PIEZO2: variants seen among roughly 807,000 people sequenced by gnomAD.
PIEZO2 encodes piezo type mechanosensitive ion channel component 2, also known as piezo-type mechanosensitive ion channel component 2.
In PIEZO2, 172 loss-of-function variants were observed where a neutral mutation model predicts 337.3. The observed-to-expected ratio is 0.51, with a 90% confidence interval of 0.45 to 0.58. The LOEUF (loss-of-function observed/expected upper bound fraction) is 0.58. Among genes scored for constraint, PIEZO2 ranks in the 20% least tolerant of loss-of-function variants. The pLI is 0.00. For synonymous variants in PIEZO2, 1,251 were observed against 1,228.5 expected, an observed-to-expected ratio of 1.02 and a Z score of -0.38; for missense variants, 3,028 against 3,391.3, an observed-to-expected ratio of 0.89 and a Z score of 2.66.
At chr18:10,931,054 C>G (rs968655935) in intron 3 of PIEZO2, among the ~76,000 whole-genome samples, 5 of 152,064 alleles carry the variant, frequency 3.3e-5, no homozygotes, top group African/African-American at 1.2e-4. Context: ...TGACATGTAA[C>G]TGTATTAGGT....
At chr18:11,114,391 C>T (rs1474087677) in intron 1 of PIEZO2, among the ~76,000 whole-genome samples, 1 of 152,222 alleles carries the variant, frequency 6.6e-6, no homozygotes, top group African/African-American at 2.4e-5. Flanking sequence ...GACGGCCAAA[C>T]GTGGTGGCTC....
chr18:10,763,082 T>C lies in PIEZO2; in HGVS notation c.2963A>G (p.Tyr988Cys), dbSNP rs938100314. Reference sequence around the variant, plus strand: ...AAAAGCCCAAGAAATCAAAAATACATAGTTGAACAGAGACACCTGAAAACG... The same window carrying C: ...AAAAGCCCAAGAAATCAAAAATACACAGTTGAACAGAGACACCTGAAAACG... ...VSVKEVSLFN[Y>C]VFLISWAFAL... Residue 988 changes from tyrosine (Y) to cysteine (C), a missense_variant, in exon 22 of 56, where the codon TAT becomes TGT. Coordinates refer to ENST00000674853, the MANE Select transcript of PIEZO2 (RefSeq NM_001378183.1). 15 of 1,537,042 alleles carry C rather than the reference T, an allele frequency of 9.8e-6. No homozygotes were observed. Among genetic ancestry groups the C allele is most frequent in the East Asian group, 2.4e-5 (1 of 40,900 alleles).
chr18:10,896,796 C>T (rs935606198), intron 4 of PIEZO2, among the ~76,000 whole-genome samples: 6 of 152,156 alleles, frequency 3.9e-5, no homozygotes, highest in African/African-American at 1.2e-4. Context: ...CCGGCATCAC[C>T]GGCCTCCACC....
rs958752181 is a variant in PIEZO2, at chr18:10,837,876, C to T, written c.917+17477G>A. Among the ~76,000 whole-genome samples the T allele has an allele frequency of 1.3e-4, 20 of 152,052 alleles. No individual in the cohort carries two copies. Among genetic ancestry groups the T allele is most frequent in the Admixed American group, 1.2e-3 (18 of 15,272 alleles). The stretch of plus-strand genomic sequence containing the variant: ...AAGTGATTCTCCTGCCTCAGCCTCC[C>T]GAGTAGCTGGGATTACTGGTGCCTG... On this transcript the variant is annotated intron_variant, in intron 7 of 55. Coordinates refer to ENST00000674853, the MANE Select transcript of PIEZO2 (RefSeq NM_001378183.1). The surrounding 1 kb of genome is among the most constrained non-coding windows in gnomAD (Gnocchi z 4.4).
At chr18:10,791,750 G>A (rs6505593) in intron 13 of PIEZO2, 119,645 of 152,328 alleles carry the variant, frequency 0.79, 47,032 homozygotes, top group East Asian at 0.93. Flanking sequence ...GAAGAATTCC[G>A]TAGATGGGAA....
chr18:11,141,323 C>A (rs1299893016), intron 1 of PIEZO2, among the ~76,000 whole-genome samples: 2 of 152,030 alleles, frequency 1.3e-5, no homozygotes, highest in African/African-American at 4.8e-5. Flanking sequence ...CTGGTTTGAC[C>A]AAGGTTAAGG....
In PIEZO2 at chr18:10,846,189, T is replaced by C. The variant is rs1343578115; in HGVS notation, c.917+9164A>G. Among the ~76,000 whole-genome samples the C allele has an allele frequency of 6.6e-6, 1 of 152,190 alleles. No homozygotes were observed. The highest frequency in any genetic ancestry group is 2.4e-5 in the African/African-American group (1 of 41,448). On this transcript the variant is annotated intron_variant, in intron 7 of 55. Transcript: ENST00000674853. This position sits in a 1 kb window ranked among gnomAD's most constrained non-coding sequence, Gnocchi z 4.1. ...TATTGGACTTACAGTTCCACATGGC[T>C]AGGGAGGCCTCACAATCATGGCAGA...
At position 10,704,384 on chromosome 18, in the gene PIEZO2, C is replaced by G; in HGVS notation, c.6258+10G>C. 6.5e-7 allele frequency: 1 copy of G among 1,536,864 alleles called. No individual in the cohort carries two copies. Among genetic ancestry groups the G allele is most frequent in the Non-Finnish European group, 8.7e-7 (1 of 1,146,812 alleles). The stretch of plus-strand genomic sequence containing the variant: ...TGAAGCCATCCACAGGGGTCTGCGT[C>G]CAGGCCTACCTCAGTATAGACGATG... On this transcript the variant is annotated intron_variant, in intron 42 of 55. Coordinates refer to ENST00000674853, the MANE Select transcript of PIEZO2 (RefSeq NM_001378183.1).
chr18:11,004,012 A>G (rs1287461407), intron 2 of PIEZO2, among the ~76,000 whole-genome samples: 1 of 152,152 alleles, frequency 6.6e-6, no homozygotes, highest in Non-Finnish European at 1.5e-5. Flanking sequence ...GATGGTTTCC[A>G]TGTTTTTCTG....
intron 49 of PIEZO2, among the ~76,000 whole-genome samples, chr18:10,684,790 T>C (rs1434731842): frequency 6.6e-6 from 1 of 152,192 alleles, no homozygotes; most frequent in Non-Finnish European, 1.5e-5. Flanking sequence ...AAAGGCATTG[T>C]CCCCTTCCTG....
rs2037392672 is a variant in PIEZO2, at chr18:11,048,290, T to C, written c.160+17837A>G. On this transcript the variant is annotated intron_variant, in intron 2 of 55. Transcript: ENST00000674853. The surrounding 1 kb of genome is among the most constrained non-coding windows in gnomAD (Gnocchi z 4.5). Reference sequence around the variant, plus strand: ...AAGAGGGAAAGAAGAAAGGACAAAATGGTGACCCACAAGATTGAAAAGACC... The same window carrying C: ...AAGAGGGAAAGAAGAAAGGACAAAACGGTGACCCACAAGATTGAAAAGACC... 6.6e-6 allele frequency among the ~76,000 whole-genome samples: 1 copy of C among 152,182 alleles called. No homozygotes were observed. The highest frequency in any genetic ancestry group is 1.5e-5 in the Non-Finnish European group (1 of 68,034).
Position 11,067,248 on chromosome 18 carries a change from A to G in PIEZO2, c.65-1026T>C, listed in dbSNP as rs1233898203. On this transcript the variant is annotated intron_variant, in intron 1 of 55. Transcript: ENST00000674853. Reference sequence around the variant, plus strand: ...AAAGCCCAGACTTCACTACTAGGCAATATATCTATGTAATAAAACTGCACT... The same window carrying G: ...AAAGCCCAGACTTCACTACTAGGCAGTATATCTATGTAATAAAACTGCACT... Among the ~76,000 whole-genome samples, 5 of 152,338 alleles carry G rather than the reference A, an allele frequency of 3.3e-5. No homozygotes were observed. In the East Asian group the frequency reaches 9.6e-4, roughly 29 times the overall value.
At chr18:10,741,947 A>G (rs1452761701) in intron 32 of PIEZO2, among the ~76,000 whole-genome samples, 1 of 152,102 alleles carries the variant, frequency 6.6e-6, no homozygotes, top group Non-Finnish European at 1.5e-5. Context: ...AGGTCAGGAG[A>G]TCGAGACCAT....
At chr18:10,886,711 A>G (rs2042617775) in intron 4 of PIEZO2, among the ~76,000 whole-genome samples, 2 of 151,572 alleles carry the variant, frequency 1.3e-5, no homozygotes, top group South Asian at 4.2e-4. Context: ...CTATTTTCAG[A>G]CCACAGTTGA....
intron 2 of PIEZO2, among the ~76,000 whole-genome samples, chr18:11,018,378 A>ATAT (rs1186022863): frequency 2.4e-4 from 28 of 115,696 alleles, no homozygotes; most frequent in African/African-American, 8.0e-4. Flanking sequence ...GACTCCCAAC[A>ATAT]TGTCGTGTGT....
At position 10,759,842 on chromosome 18, in the gene PIEZO2, C is replaced by A. The variant is rs35033671; in HGVS notation, c.3518G>T (p.Cys1173Phe). Residue 1173 changes from cysteine (C) to phenylalanine (F), a missense_variant, in exon 25 of 56, where the codon TGC becomes TTC. Transcript: ENST00000674853. This position sits in a 1 kb window ranked among gnomAD's most constrained non-coding sequence, Gnocchi z 5.5. The part of the protein sequence containing the change: ...RMDFYAMIHA[C>F]WLIAVLYRRR... ...TCTATATAAGACAGCGATCAGCCAG[C>A]AGGCGTGGATCATGGCATAGAAATC... 0.2 allele frequency: 302,492 copies of A among 1,537,210 alleles called. 31,508 individuals carry two copies. Among genetic ancestry groups the A allele is most frequent in the Admixed American group, 0.26 (13,290 of 50,998 alleles).
chr18:10,708,764 C>T (rs771401842), intron 39 of PIEZO2, among the ~76,000 whole-genome samples: 1 of 152,146 alleles, frequency 6.6e-6, no homozygotes, highest in Non-Finnish European at 1.5e-5. Context: ...ATTATAACTT[C>T]GTAACAGAGG....
rs1222777460 is a variant in PIEZO2 at position 10,766,877 on chromosome 18, G to T, written c.2946+3271C>A. On this transcript the variant is annotated intron_variant, in intron 21 of 55. Transcript: ENST00000674853. This position sits in a 1 kb window ranked among gnomAD's most constrained non-coding sequence, Gnocchi z 6.1. Reference sequence around the variant, plus strand: ...ACTTTATTGTGAGTCCTTAATAAAGGCTCAATGAATGCTTAGTGAGAGTGA... The same window carrying T: ...ACTTTATTGTGAGTCCTTAATAAAGTCTCAATGAATGCTTAGTGAGAGTGA... Among the ~76,000 whole-genome samples, 1 of 152,194 alleles carries T rather than the reference G, an allele frequency of 6.6e-6. No individual in the cohort carries two copies. Among genetic ancestry groups the T allele is most frequent in the Non-Finnish European group, 1.5e-5 (1 of 68,038 alleles).
chr18:11,148,710 T>C lies in PIEZO2; in HGVS notation c.-122A>G, dbSNP rs1329758393. 9.2e-6 allele frequency: 10 copies of C among 1,083,342 alleles called. No individual in the cohort carries two copies. Among genetic ancestry groups the C allele is most frequent in the South Asian group, 2.9e-5 (2 of 68,380 alleles). 67.1% of individuals were successfully genotyped at this position (1,083,342 alleles called of 1,614,324 possible). ...CCGGCAGCTCGCAGCCACCCGAGCA[T>C]CGCCTCGGCGCGGGCCGCGACGCTC... On this transcript the variant is annotated 5_prime_UTR_variant, in exon 1 of 56. It removes an upstream start codon present in the reference 5' UTR. Transcript: ENST00000674853. The surrounding 1 kb of genome is among the most constrained non-coding windows in gnomAD (Gnocchi z 5.2).
Sources: gnomAD v4.1 joint callset for allele counts (sites outside exome capture counted in the v4.1 genomes callset) on GRCh38, gnomAD v4.1.1 for gene constraint, Gnocchi (gnomAD v3.1) non-coding constraint, MANE v1.5 for transcripts, NCBI Gene and HGNC (gene_info 2026-07-23, HGNC 2026-07-21) for gene names.